Variants in NFX1 observed in about 807,000 individuals in gnomAD.
The protein encoded by NFX1 is nuclear transcription factor, X-box binding 1.
Under a neutral mutation model 137.2 loss-of-function variants are expected in NFX1, and 69 were observed. The ratio of observed to expected loss-of-function variants is 0.50; its 90% CI spans 0.41 to 0.61. NFX1 has a LOEUF of 0.61. Ranked by LOEUF, NFX1 falls within the 20% of genes least tolerant of loss-of-function variation. The probability of loss-of-function intolerance (pLI) is 0.00; values close to 1 mark genes in which losing one functional copy is unlikely to be tolerated. For missense variants in NFX1, 1,167 were observed against 1,391.0 expected (o/e 0.84, Z 2.56); for synonymous variants, 495 against 474.1 (o/e 1.04, Z -0.57).
intron 7 of NFX1, among the ~76,000 whole-genome samples, chr9:33,315,924 A>G (rs10971469): frequency 1.3e-5 from 2 of 151,902 alleles, no homozygotes; most frequent in Admixed American, 6.6e-5. Context: ...TGTTCACAAC[A>G]ATGCCAGTCT....
intron 19 of NFX1, among the ~76,000 whole-genome samples, chr9:33,358,392 G>A (rs928489602): frequency 6.6e-6 from 1 of 152,018 alleles, no homozygotes; most frequent in Non-Finnish European, 1.5e-5. Flanking sequence ...CCAGAGTGCT[G>A]GGATTACAGG....
At position 33,311,195 on chromosome 9, in the gene NFX1, C is replaced by G. The variant is rs780062519; in HGVS notation, c.1448+18C>G. 4 of 1,610,732 alleles carry G rather than the reference C, an allele frequency of 2.5e-6. No individual in the cohort carries two copies. In the East Asian group the frequency reaches 8.9e-5, roughly 36 times the overall value. ...CGAACCAGGTAAAGTTAAAATTACACCCTAAAGAAGACCTCAGTTTTCACA... is the reference window on the plus strand; with the variant it reads ...CGAACCAGGTAAAGTTAAAATTACAGCCTAAAGAAGACCTCAGTTTTCACA... On this transcript the variant is annotated intron_variant, in intron 6 of 23. Coordinates refer to ENST00000379540, the MANE Select transcript of NFX1 (RefSeq NM_002504.6).
Position 33,294,844 on chromosome 9 carries a change from T to G in NFX1, c.450T>G (p.Ser150Arg). 6.2e-7 allele frequency: 1 copy of G among 1,613,972 alleles called. No individual in the cohort carries two copies. The highest frequency in any genetic ancestry group is 1.1e-5 in the South Asian group (1 of 91,068). The change falls in exon 2 of 24, where the codon AGT (serine) becomes AGG (arginine). Residue 150 changes from serine (S) to arginine (R), a missense_variant. Ser to Arg is a moderately radical substitution (Grantham distance 110). Coordinates refer to ENST00000379540, the MANE Select transcript of NFX1 (RefSeq NM_002504.6). Reference protein sequence around the residue: ...SESGTDLREHSPSESEKEVVG... With the variant: ...SESGTDLREHRPSESEKEVVG... ...GTGGGACAGACCTCAGAGAGCATAG[T>G]CCTTCTGAGAGTGAGAAGGAAGTTG... is the stretch of plus-strand genomic sequence containing the variant.
chr9:33,302,933 G>T (rs532582366), intron 3 of NFX1, among the ~76,000 whole-genome samples: 30 of 149,212 alleles, frequency 2.0e-4, no homozygotes, highest in African/African-American at 7.2e-4. Flanking sequence ...TTCACAAAGC[G>T]CTGGGATTAT....
chr9:33,302,357 ATTTTT>A (rs33976056), intron 3 of NFX1, among the ~76,000 whole-genome samples: 2 of 71,014 alleles, frequency 2.8e-5, no homozygotes. Context: ...ATCTAACTGT[ATTTTT>A]TTTTTTTTTT....
intron 15 of NFX1, among the ~76,000 whole-genome samples, chr9:33,351,066 C>T (rs573501651): frequency 6.6e-6 from 1 of 152,190 alleles, no homozygotes; most frequent in Non-Finnish European, 1.5e-5. Context: ...ATCACTTGAA[C>T]CCTGGAGGTG....
At chr9:33,366,563 G>A in intron 21 of NFX1, 66 bp from the exon 22 acceptor site, 1 of 1,577,594 alleles carries the variant, frequency 6.3e-7, no homozygotes, top group Non-Finnish European at 8.7e-7. Flanking sequence ...TGTGTGGTAA[G>A]ATTAGTTGTA....
In NFX1 at chr9:33,370,835, C is replaced by A. The variant is rs764541959; in HGVS notation, c.*857C>A. The A allele has an allele frequency of 6.6e-6, 1 of 152,442 alleles. No individual in the cohort carries two copies. The highest frequency in any genetic ancestry group is 1.9e-4 in the East Asian group (1 of 5,198). The allele number at this position is 152,442 out of a possible 1,614,324, so 9.4% of individuals were successfully genotyped here. A position where few individuals can be genotyped will look rare whatever the true frequency, so the allele number is the denominator to read the frequency against. ...TCAAATGGACAACTGTCCTGTGTTGCTTTCCCTAGGCCTTCAGCAGCCTAT... is the reference window on the plus strand; with the variant it reads ...TCAAATGGACAACTGTCCTGTGTTGATTTCCCTAGGCCTTCAGCAGCCTAT... On this transcript the variant is annotated 3_prime_UTR_variant, in exon 24 of 24. Transcript: ENST00000379540.
At chr9:33,358,531 G>A (rs990086266) in intron 19 of NFX1, among the ~76,000 whole-genome samples, 3 of 151,088 alleles carry the variant, frequency 2.0e-5, no homozygotes, top group African/African-American at 7.3e-5. Context: ...AAATTACAAG[G>A]ACTTCATTTT....
intron 2 of NFX1, among the ~76,000 whole-genome samples, chr9:33,296,695 G>A (rs540328123): frequency 7.9e-5 from 12 of 152,326 alleles, no homozygotes; most frequent in African/African-American, 2.9e-4. Flanking sequence ...TTGTACTCCA[G>A]CCTGGATAAC....
At chr9:33,322,125 TG>T (rs1822408618) in intron 9 of NFX1, among the ~76,000 whole-genome samples, 1 of 148,396 alleles carries the variant, frequency 6.7e-6, no homozygotes, top group African/African-American at 2.5e-5. Flanking sequence ...TGCTTGAACC[TG>T]GGGGGCAGTA....
In NFX1 at chr9:33,370,182, C is replaced by G. The variant is rs1017842383; in HGVS notation, c.*204C>G. Reference sequence around the variant, plus strand: ...AAAGTGTTTCATTATGACCAGATCTCTGATTGTATGGTCACTAGGTATGCA... The same window carrying G: ...AAAGTGTTTCATTATGACCAGATCTGTGATTGTATGGTCACTAGGTATGCA... On this transcript the variant is annotated 3_prime_UTR_variant, in exon 24 of 24. Transcript: ENST00000379540. 1.0e-5 allele frequency: 5 copies of G among 493,004 alleles called. No homozygotes were observed. Among genetic ancestry groups the G allele is most frequent in the African/African-American group, 6.0e-5 (3 of 49,952 alleles). 30.5% of individuals were successfully genotyped at this position (493,004 alleles called of 1,614,324 possible).
At chr9:33,334,351 G>A (rs1822920644) in intron 11 of NFX1, among the ~76,000 whole-genome samples, 1 of 152,194 alleles carries the variant, frequency 6.6e-6, no homozygotes, top group African/African-American at 2.4e-5. Context: ...TAGATACTCG[G>A]GAGGCTGAGG....
At chr9:33,312,442 A>G (rs114796802) in intron 6 of NFX1, among the ~76,000 whole-genome samples, 1 of 152,256 alleles carries the variant, frequency 6.6e-6, no homozygotes, top group Non-Finnish European at 1.5e-5. Context: ...ATTTATGTAC[A>G]TAACAGTGAC....
At chr9:33,369,195 A>C (rs1824257166) in intron 23 of NFX1, among the ~76,000 whole-genome samples, 2 of 151,914 alleles carry the variant, frequency 1.3e-5, no homozygotes, top group African/African-American at 4.8e-5. Context: ...CCTCCTGAGT[A>C]GCTGGGACTA....
intron 19 of NFX1, among the ~76,000 whole-genome samples, chr9:33,357,039 G>A (rs1018799308): frequency 4.0e-5 from 6 of 151,270 alleles, no homozygotes; most frequent in Non-Finnish European, 5.9e-5. Context: ...CACCATGGCC[G>A]TAATGGTGGT....
rs781022787 is a variant in NFX1, at chr9:33,290,522, G to A, written c.-51G>A. 11 of 1,609,100 alleles carry A rather than the reference G, an allele frequency of 6.8e-6. No individual in the cohort carries two copies. The East Asian group carries it at 2.2e-4, about 33-fold the overall frequency. On this transcript the variant is annotated 5_prime_UTR_variant, in exon 1 of 24. The change creates a new upstream start codon in the 5' untranslated region. Coordinates refer to ENST00000379540, the MANE Select transcript of NFX1 (RefSeq NM_002504.6). ...CCGGAAGTCCGGGGCACGTGACCTG[G>A]TGACAGTGCTGACTTGGCTGTACAG...
intron 1 of NFX1, among the ~76,000 whole-genome samples, chr9:33,292,308 C>T (rs188126574): frequency 6.6e-6 from 1 of 152,196 alleles, no homozygotes; most frequent in African/African-American, 2.4e-5. Context: ...CATCTTTAGC[C>T]CACACCCTCA....
intron 11 of NFX1, among the ~76,000 whole-genome samples, chr9:33,336,455 C>G (rs1823007628): frequency 6.6e-6 from 1 of 152,002 alleles, no homozygotes; most frequent in South Asian, 2.1e-4. Context: ...ACCTCGTGAT[C>G]CGCCTGCCTC....
Sources: allele counts gnomAD v4.1 joint callset (sites outside exome capture counted in the v4.1 genomes callset), GRCh38; gene constraint gnomAD v4.1.1; transcripts MANE v1.5; gene names NCBI Gene and HGNC (gene_info 2026-07-23, HGNC 2026-07-21).